MLIP: variants seen among roughly 807,000 people sequenced by gnomAD.
The protein encoded by MLIP is muscular LMNA interacting protein.
Under a neutral mutation model 84.8 loss-of-function variants are expected in MLIP, and 79 were observed. The observed-to-expected ratio is 0.93, with a 90% CI of 0.78 to 1.12. The LOEUF (loss-of-function observed/expected upper bound fraction) is 1.12. MLIP is among the 50% of genes most tolerant of loss of function. MLIP has a pLI of 0.00. For missense variants in MLIP, 1,257 were observed against 1,160.6 expected (o/e 1.08, Z -1.21); for synonymous variants, 504 against 463.0 (o/e 1.09, Z -1.14).
At chr6:54,255,227 C>T (rs746118457) in intron 12 of MLIP, among the ~76,000 whole-genome samples, 17 of 152,168 alleles carry the variant, frequency 1.1e-4, no homozygotes, top group Non-Finnish European at 2.2e-4. Context: ...AGCACAGTCT[C>T]TGCATACTCT....
In MLIP at chr6:54,249,573, A is replaced by G. The variant is rs187993981; in HGVS notation, c.2923-7735A>G. ...AAAGAAAAAACTCAGAGCATTGCCT[A>G]TGTTTTATTCCAGGGTATAGAATTG... is the stretch of plus-strand genomic sequence containing the variant. On this transcript the variant is annotated intron_variant, in intron 12 of 13. Coordinates refer to ENST00000502396, the MANE Select transcript of MLIP (RefSeq NM_001281747.2). 1.2e-3 allele frequency among the ~76,000 whole-genome samples: 182 copies of G among 151,906 alleles called. 1 individual carries two copies. The highest frequency in any genetic ancestry group is 2.1e-3 in the Non-Finnish European group (143 of 67,954).
intron 1 of MLIP, among the ~76,000 whole-genome samples, chr6:54,082,314 A>G (rs948985726): frequency 2.6e-5 from 4 of 152,162 alleles, no homozygotes; most frequent in Admixed American, 2.6e-4. Context: ...ATATTCATGT[A>G]CACGATTTCT....
At chr6:54,172,679 G>C (rs1222967825) in intron 9 of MLIP, among the ~76,000 whole-genome samples, 1 of 150,678 alleles carries the variant, frequency 6.6e-6, no homozygotes, top group African/African-American at 2.4e-5. Context: ...CCACTTTATA[G>C]GCCTTTGTTG....
chr6:54,208,118 A>G (rs1307710255), intron 11 of MLIP, among the ~76,000 whole-genome samples: 3 of 151,938 alleles, frequency 2.0e-5, no homozygotes, highest in Non-Finnish European at 2.9e-5. Flanking sequence ...ACAGAGCGAG[A>G]CTCCATCTCA....
intron 1 of MLIP, among the ~76,000 whole-genome samples, chr6:54,102,868 A>G: frequency 6.6e-6 from 1 of 152,166 alleles, no homozygotes; most frequent in African/African-American, 2.4e-5. Context: ...ATATAATTTG[A>G]AAGCAGTAAA....
At chr6:54,131,869 A>G (rs1428931663) in intron 3 of MLIP, among the ~76,000 whole-genome samples, 1 of 152,216 alleles carries the variant, frequency 6.6e-6, no homozygotes, top group Non-Finnish European at 1.5e-5. Flanking sequence ...GTGGTTCTGC[A>G]GATATGGGCT....
In MLIP at chr6:54,266,012, A is replaced by G. The variant is rs375176711; in HGVS notation, c.*57A>G. ...TGAAGTTTTTTGGAATGCTGGTGCT[A>G]ACCACTTGCTAGATTTAACTTTTTT... On this transcript the variant is annotated 3_prime_UTR_variant, in exon 14 of 14. Transcript: ENST00000502396. 7.1e-5 allele frequency: 112 copies of G among 1,585,246 alleles called. No individual in the cohort carries two copies. The highest frequency in any genetic ancestry group is 1.8e-4 in the Middle Eastern group (1 of 5,580).
intron 5 of MLIP, among the ~76,000 whole-genome samples, chr6:54,159,533 A>T (rs1774394160): frequency 6.6e-6 from 1 of 152,066 alleles, no homozygotes; most frequent in African/African-American, 2.4e-5. Context: ...TTGCAAGAAA[A>T]ATATGGCACT....
Position 54,064,408 on chromosome 6 carries a change from A to G in MLIP, c.63+45317A>G, listed in dbSNP as rs1766146620. On this transcript the variant is annotated intron_variant, in intron 1 of 12. Transcript: ENST00000274897. ...ATTTAATTTATTGGCACAGTAAAGA[A>G]GACTATGTGATACAAGAATCTCAAG... Among the ~76,000 whole-genome samples the G allele has an allele frequency of 3.0e-5, 3 of 100,058 alleles. 1 individual carries two copies. Among genetic ancestry groups the G allele is most frequent in the Non-Finnish European group, 5.7e-5 (2 of 34,906 alleles). The allele number at this position is 100,058 out of a possible 152,430, so 65.6% of individuals were successfully genotyped here.
At chr6:54,189,410 A>G (rs908078811) in intron 9 of MLIP, among the ~76,000 whole-genome samples, 3 of 152,212 alleles carry the variant, frequency 2.0e-5, no homozygotes, top group African/African-American at 7.2e-5. Flanking sequence ...TCAAATCATA[A>G]AAACTTTGTT....
intron 10 of MLIP, among the ~76,000 whole-genome samples, chr6:54,201,850 C>T (rs1301651577): frequency 1.3e-5 from 2 of 152,094 alleles, no homozygotes; most frequent in African/African-American, 2.4e-5. Flanking sequence ...AAGGGTAGAA[C>T]ATGTTTGCAT....
chr6:54,117,946 AAACAACAAC>A lies in MLIP; in HGVS notation c.97-3487_97-3479del, dbSNP rs70980895. On this transcript the variant is annotated intron_variant, in intron 1 of 13. Transcript: ENST00000502396. ...GGTGACAGAATGAGACTCTGTCTCAAAACAACAACAACAACAACAACAGCAACAACAACA... is the reference window on the plus strand; with the variant it reads ...GGTGACAGAATGAGACTCTGTCTCAAAACAACAACAACAGCAACAACAACA... Among the ~76,000 whole-genome samples, 96 of 141,662 alleles carry A rather than the reference AAACAACAAC, an allele frequency of 6.8e-4. No homozygotes were observed. In the East Asian group the frequency reaches 8.2e-3, roughly 12 times the overall value. The allele number at this position is 141,662 out of a possible 152,430, so 92.9% of individuals were successfully genotyped here.
intron 10 of MLIP, among the ~76,000 whole-genome samples, chr6:54,197,311 GTTATC>G (rs1778366084): frequency 6.6e-6 from 1 of 151,974 alleles, no homozygotes. Context: ...TTATACTGTG[GTTATC>G]TTATGATTTA....
Position 54,064,697 on chromosome 6 carries a change from T to C in MLIP, c.63+45606T>C, listed in dbSNP as rs1479774892. ...CTTTTGAAGCATTAGGGAGTTAAAC[T>C]GTATAGATACACCAGATTGTTACTT... On this transcript the variant is annotated intron_variant, in intron 1 of 12. Transcript: ENST00000274897. Among the ~76,000 whole-genome samples the C allele has an allele frequency of 2.0e-5, 2 of 99,456 alleles. 1 individual carries two copies. 65.2% of individuals were successfully genotyped at this position (99,456 alleles called of 152,430 possible). A position where few individuals can be genotyped will look rare whatever the true frequency, so the allele number is the denominator to read the frequency against.
chr6:54,100,000 AATG>A (rs991823087), intron 1 of MLIP, among the ~76,000 whole-genome samples: 3 of 152,170 alleles, frequency 2.0e-5, no homozygotes, highest in South Asian at 2.1e-4. Flanking sequence ...GAAATTTTTA[AATG>A]ATGATGATGT....
At chr6:54,101,170 G>A (rs1346983035) in intron 1 of MLIP, among the ~76,000 whole-genome samples, 1 of 152,050 alleles carries the variant, frequency 6.6e-6, no homozygotes, top group East Asian at 1.9e-4. Flanking sequence ...AAATCTTTTG[G>A]ATGATAGTAG....
upstream of MLIP, among the ~76,000 whole-genome samples, chr6:54,106,771 T>C (rs1002079356): frequency 6.6e-6 from 1 of 152,194 alleles, no homozygotes; most frequent in African/African-American, 2.4e-5. Flanking sequence ...CAGATATCTA[T>C]GAGATGTTCC....
chr6:54,176,974 G>A (rs769756876), intron 9 of MLIP, among the ~76,000 whole-genome samples: 1 of 152,070 alleles, frequency 6.6e-6, no homozygotes, highest in Non-Finnish European at 1.5e-5. Flanking sequence ...TTTAATAAAA[G>A]GTGCTGGGAA....
intron 1 of MLIP, among the ~76,000 whole-genome samples, chr6:54,074,407 AT>A (rs138533900): frequency 3.3e-5 from 5 of 151,422 alleles, no homozygotes; most frequent in East Asian, 3.9e-4. Context: ...TAACGCGATG[AT>A]TTTTTTTTCT....
Sources: allele counts gnomAD v4.1 joint callset (sites outside exome capture counted in the v4.1 genomes callset), GRCh38; gene constraint gnomAD v4.1.1; transcripts MANE v1.5; gene names NCBI Gene and HGNC (gene_info 2026-07-23, HGNC 2026-07-21).